SERGEF: variants seen among roughly 807,000 people sequenced by gnomAD.
The protein encoded by SERGEF is secretion-regulating guanine nucleotide exchange factor.
In SERGEF, 51 loss-of-function variants were observed where a neutral mutation model predicts 50.0. The observed-to-expected ratio is 1.02, with a 90% CI of 0.81 to 1.29. SERGEF has a LOEUF of 1.29. Ranked by LOEUF, SERGEF falls within the 50% of genes most tolerant of loss-of-function variation. The pLI, the probability that SERGEF is intolerant of heterozygous loss-of-function variation, is 0.00. For missense variants in SERGEF, 521 were observed against 557.0 expected (o/e 0.94, Z 0.65); for synonymous variants, 205 against 212.4 (o/e 0.97, Z 0.30).
intron 9 of SERGEF, among the ~76,000 whole-genome samples, chr11:17,904,811 C>T (rs966881363): frequency 5.3e-5 from 8 of 152,194 alleles, no homozygotes; most frequent in Non-Finnish European, 1.2e-4. Context: ...AAACACAATG[C>T]AATGCAGTGC....
chr11:17,796,164 G>A (rs1056245411), intron 10 of SERGEF, among the ~76,000 whole-genome samples: 10 of 152,160 alleles, frequency 6.6e-5, no homozygotes, highest in Admixed American at 4.6e-4. Flanking sequence ...ACACAGAGAT[G>A]ATTTTAAAAA....
At chr11:17,908,224 T>G (rs749529514) in intron 9 of SERGEF, among the ~76,000 whole-genome samples, 1 of 152,198 alleles carries the variant, frequency 6.6e-6, no homozygotes, top group African/African-American at 2.4e-5. Context: ...TCCTATACAA[T>G]CTGGTTCCAG....
chr11:17,927,438 T>C lies in SERGEF; in HGVS notation c.1011+32032A>G, dbSNP rs545368914. On this transcript the variant is annotated intron_variant, in intron 9 of 10. Coordinates refer to ENST00000265965, the MANE Select transcript of SERGEF (RefSeq NM_012139.4). ...TGTGAGGCTGCTGTAAACATGAAAA[T>C]GCAAGTAGGAAACCTTATTTCTGCT... Among the ~76,000 whole-genome samples the C allele has an allele frequency of 3.3e-5, 5 of 152,314 alleles. No homozygotes were observed. In the East Asian group the frequency reaches 7.7e-4, roughly 23 times the overall value.
rs547805846 is a variant in SERGEF at position 17,999,340 on chromosome 11, G to T, written c.508+1157C>A. 2.6e-5 allele frequency among the ~76,000 whole-genome samples: 4 copies of T among 152,290 alleles called. No individual in the cohort carries two copies. In the South Asian group the frequency reaches 8.3e-4, roughly 32 times the overall value. The stretch of plus-strand genomic sequence containing the variant: ...TATAGTTTTGCAAGATACCATTAGG[G>T]GAAACCGGGAGAGAACACACAGGGT... On this transcript the variant is annotated intron_variant, in intron 5 of 10. Coordinates refer to ENST00000265965, the MANE Select transcript of SERGEF (RefSeq NM_012139.4).
At chr11:17,863,396 T>G (rs1358303307) in intron 10 of SERGEF, among the ~76,000 whole-genome samples, 1 of 152,228 alleles carries the variant, frequency 6.6e-6, no homozygotes. Flanking sequence ...GTTGGAGACC[T>G]GGTCCTAAGC....
intron 8 of SERGEF, among the ~76,000 whole-genome samples, chr11:17,972,471 G>A (rs1184131398): frequency 1.3e-5 from 2 of 152,184 alleles, no homozygotes; most frequent in African/African-American, 4.8e-5. Flanking sequence ...ACAACTCACT[G>A]AAGGCTCAGA....
At chr11:17,865,089 C>T (rs188748791) in intron 10 of SERGEF, among the ~76,000 whole-genome samples, 3 of 152,292 alleles carry the variant, frequency 2.0e-5, no homozygotes, top group East Asian at 3.9e-4. Flanking sequence ...CACCAAGTTT[C>T]GGTCAACAAC....
At chr11:17,900,579 T>C (rs1190542026) in intron 9 of SERGEF, among the ~76,000 whole-genome samples, 1 of 152,204 alleles carries the variant, frequency 6.6e-6, no homozygotes, top group Non-Finnish European at 1.5e-5. Context: ...CTTTTTAGCT[T>C]ATTGAGTCAA....
intron 10 of SERGEF, among the ~76,000 whole-genome samples, chr11:17,822,340 C>T (rs547812679): frequency 6.6e-6 from 1 of 152,220 alleles, no homozygotes; most frequent in African/African-American, 2.4e-5. Flanking sequence ...TTAGAACTGG[C>T]AGTTTGAGTC....
intron 9 of SERGEF, among the ~76,000 whole-genome samples, chr11:17,922,944 T>A (rs1399515960): frequency 1.3e-5 from 2 of 152,186 alleles, no homozygotes; most frequent in Admixed American, 1.3e-4. Context: ...GCCATCCTAG[T>A]CTCTGCTGGT....
intron 1 of SERGEF, among the ~76,000 whole-genome samples, chr11:18,009,262 T>A (rs546906801): frequency 6.6e-6 from 1 of 152,202 alleles, no homozygotes; most frequent in Admixed American, 6.5e-5. Flanking sequence ...GGAGGCCCCA[T>A]CCTCAGAACA....
At chr11:17,889,141 A>G (rs1344693352) in intron 9 of SERGEF, among the ~76,000 whole-genome samples, 1 of 152,270 alleles carries the variant, frequency 6.6e-6, no homozygotes, top group Admixed American at 6.5e-5. Context: ...TGCAATCATT[A>G]GTTAATTCAG....
intron 10 of SERGEF, among the ~76,000 whole-genome samples, chr11:17,814,815 C>T (rs1041870773): frequency 6.6e-6 from 1 of 152,174 alleles, no homozygotes; most frequent in Non-Finnish European, 1.5e-5. Flanking sequence ...CTTGGGGATG[C>T]AGTTAACACC....
chr11:17,818,918 C>G lies in SERGEF; in HGVS notation c.1049-30505G>C, dbSNP rs141391075. On this transcript the variant is annotated intron_variant, in intron 10 of 10. Coordinates refer to ENST00000265965, the MANE Select transcript of SERGEF (RefSeq NM_012139.4). The stretch of plus-strand genomic sequence containing the variant: ...CTGTTCCCTATACTTGCAAGGCCCT[C>G]TCTCCAAAGGAGGGAAACTCCTACT... Among the ~76,000 whole-genome samples, 553 of 152,314 alleles carry G rather than the reference C, an allele frequency of 3.6e-3. 3 individuals carry two copies. The highest frequency in any genetic ancestry group is 0.013 in the African/African-American group (540 of 41,584).
rs1165150685 is a variant in SERGEF at position 17,884,402 on chromosome 11, C to T, written c.1012-6158G>A. ...GCCTGCGCCGCCTGGGTTAACAGGG[C>T]GAGGGAATGGGCGTCTCGGTGCCGC... On this transcript the variant is annotated intron_variant, in intron 9 of 10. Transcript: ENST00000265965. The surrounding 1 kb of genome is among the most constrained non-coding windows in gnomAD (Gnocchi z 4.6). 6.6e-6 allele frequency among the ~76,000 whole-genome samples: 1 copy of T among 151,608 alleles called. No homozygotes were observed. Among genetic ancestry groups the T allele is most frequent in the Non-Finnish European group, 1.5e-5 (1 of 67,928 alleles).
chr11:17,831,937 C>T (rs962767077), intron 10 of SERGEF, among the ~76,000 whole-genome samples: 7 of 152,206 alleles, frequency 4.6e-5, no homozygotes, highest in Non-Finnish European at 1.0e-4. Context: ...CTTGCCTCTC[C>T]TTCAAACTAC....
At chr11:17,966,380 C>T (rs1853124919) in intron 8 of SERGEF, among the ~76,000 whole-genome samples, 2 of 152,202 alleles carry the variant, frequency 1.3e-5, no homozygotes, top group African/African-American at 4.8e-5. Context: ...CTCTTCTAGG[C>T]TGCATGGCCT....
chr11:17,828,250 C>A (rs1850235510), intron 10 of SERGEF, among the ~76,000 whole-genome samples: 1 of 152,230 alleles, frequency 6.6e-6, no homozygotes. Flanking sequence ...CCTCTTTCTA[C>A]CAATCCACAG....
chr11:17,878,028 A>C, intron 10 of SERGEF, 180 bp downstream of exon 10: 1 of 569,236 alleles, frequency 1.8e-6, no homozygotes, highest in Non-Finnish European at 3.1e-6. Context: ...TATGAATCGA[A>C]ATATTCAGAA....
Sources: gnomAD v4.1 joint callset for allele counts (sites outside exome capture counted in the v4.1 genomes callset) on GRCh38, gnomAD v4.1.1 for gene constraint, Gnocchi (gnomAD v3.1) non-coding constraint, MANE v1.5 for transcripts, NCBI Gene and HGNC (gene_info 2026-07-23, HGNC 2026-07-21) for gene names.